LRRC7: variants seen among roughly 807,000 people sequenced by gnomAD.
LRRC7 encodes the protein leucine rich repeat containing 7, also known as leucine-rich repeat-containing protein 7.
Under a neutral mutation model 175.7 loss-of-function variants are expected in LRRC7, and 23 were observed. The ratio of observed to expected loss-of-function variants is 0.13; its 90% CI spans 0.09 to 0.19. LRRC7 has a LOEUF of 0.19. Among genes scored for constraint, LRRC7 ranks in the 10% least tolerant of loss-of-function variants. The probability of loss-of-function intolerance (pLI) is 1.00; values close to 1 mark genes in which losing one functional copy is unlikely to be tolerated. For missense variants in LRRC7, 1,354 were observed against 1,904.7 expected, an observed-to-expected ratio of 0.71 and a Z score of 5.38; for synonymous variants, 685 against 680.9, an observed-to-expected ratio of 1.01 and a Z score of -0.09.
chr1:69,654,118 T>A (rs1656256373), intron 1 of LRRC7, among the ~76,000 whole-genome samples: 1 of 151,696 alleles, frequency 6.6e-6, no homozygotes, highest in African/African-American at 2.4e-5. Flanking sequence ...GTTATTTATT[T>A]TTTTTTTTTA....
intron 26 of LRRC7, among the ~76,000 whole-genome samples, chr1:70,114,067 A>T (rs1314095340): frequency 6.6e-6 from 1 of 152,068 alleles, no homozygotes; most frequent in African/African-American, 2.4e-5. Flanking sequence ...AAATCTTCCA[A>T]AAAAAAACCT....
In LRRC7 at chr1:69,980,471, C is replaced by G. The variant is rs960985147; in HGVS notation, c.786+18C>G. ...TACCTGGGGTATGTAAGTTTTTATTCTACCATGTTGTTTAATATTTGTTAT... is the reference window on the plus strand; with the variant it reads ...TACCTGGGGTATGTAAGTTTTTATTGTACCATGTTGTTTAATATTTGTTAT... On this transcript the variant is annotated intron_variant, in intron 9 of 26. Transcript: ENST00000651989. 17 of 1,536,916 alleles carry G rather than the reference C, an allele frequency of 1.1e-5. No homozygotes were observed. The highest frequency in any genetic ancestry group is 1.5e-5 in the Non-Finnish European group (17 of 1,116,118).
chr1:69,885,558 A>G (rs1339537794), intron 7 of LRRC7, among the ~76,000 whole-genome samples: 2 of 133,004 alleles, frequency 1.5e-5, no homozygotes, highest in Non-Finnish European at 3.1e-5. Flanking sequence ...TGATCCTTGC[A>G]AAAAACCAGC....
intron 25 of LRRC7, among the ~76,000 whole-genome samples, chr1:70,094,197 G>A (rs183249899): frequency 6.6e-6 from 1 of 152,198 alleles, no homozygotes; most frequent in Admixed American, 6.5e-5. Flanking sequence ...CATCCTCAAA[G>A]GACCTGACAG....
chr1:69,602,074 A>G (rs1253013601), intron 1 of LRRC7, among the ~76,000 whole-genome samples: 1 of 152,198 alleles, frequency 6.6e-6, no homozygotes, highest in African/African-American at 2.4e-5. Flanking sequence ...GGCAAATTCT[A>G]TCAGTTTTAC....
intron 2 of LRRC7, among the ~76,000 whole-genome samples, chr1:69,715,276 G>A (rs1400722772): frequency 6.6e-6 from 1 of 152,106 alleles, no homozygotes; most frequent in Non-Finnish European, 1.5e-5. Context: ...CTGATAAATG[G>A]AAATTCTCTA....
intron 7 of LRRC7, among the ~76,000 whole-genome samples, chr1:69,916,227 TATAA>T (rs1321044784): frequency 4.6e-5 from 3 of 65,856 alleles, no homozygotes; most frequent in South Asian, 8.9e-4. Flanking sequence ...TTATGTATAA[TATAA>T]ATATATTTTA....
chr1:69,846,179 C>A (rs1682345266), intron 7 of LRRC7, among the ~76,000 whole-genome samples: 1 of 152,032 alleles, frequency 6.6e-6, no homozygotes. Flanking sequence ...TTATTAGAGT[C>A]ACTTCTAAAA....
intron 1 of LRRC7, among the ~76,000 whole-genome samples, chr1:69,595,483 G>A (rs964044145): frequency 2.0e-5 from 3 of 152,314 alleles, no homozygotes; most frequent in Middle Eastern, 3.4e-3. Context: ...AGTTGATAAC[G>A]GATGGGGCTG....
rs114566776 is a variant in LRRC7 at position 69,723,576 on chromosome 1, T to G, written c.101-36615T>G. ...TTAAAACCTTCATTTTCATGACTAT[T>G]CATTTCATATGATATTAGAGACTCT... On this transcript the variant is annotated intron_variant, in intron 2 of 26. Transcript: ENST00000651989. Among the ~76,000 whole-genome samples the G allele has an allele frequency of 9.4e-3, 1,438 of 152,334 alleles. 11 individuals are homozygous for G. The highest frequency in any genetic ancestry group is 0.015 in the Non-Finnish European group (1,003 of 68,030).
intron 2 of LRRC7, among the ~76,000 whole-genome samples, chr1:69,729,316 A>G (rs1046945001): frequency 2.6e-5 from 4 of 152,152 alleles, no homozygotes; most frequent in Non-Finnish European, 5.9e-5. Flanking sequence ...TTATTCCAGC[A>G]TTATCTCAGA....
At chr1:69,839,747 G>A (rs1681518137) in intron 7 of LRRC7, among the ~76,000 whole-genome samples, 1 of 152,002 alleles carries the variant, frequency 6.6e-6, no homozygotes, top group Non-Finnish European at 1.5e-5. Context: ...GCTTTCATTT[G>A]AAGTACAAAA....
intron 11 of LRRC7, among the ~76,000 whole-genome samples, chr1:70,003,002 G>T (rs556313972): frequency 5.9e-5 from 9 of 152,272 alleles, no homozygotes; most frequent in Non-Finnish European, 1.0e-4. Flanking sequence ...CATGGATGGG[G>T]TGGCATAAAC....
chr1:69,754,818 C>T (rs1372533782), intron 2 of LRRC7, among the ~76,000 whole-genome samples: 13 of 151,518 alleles, frequency 8.6e-5, no homozygotes, highest in Non-Finnish European at 1.8e-4. Flanking sequence ...GTAGAAATGA[C>T]GAGGGAAGTA....
chr1:69,815,118 C>T (rs1009562110), intron 4 of LRRC7, among the ~76,000 whole-genome samples: 1 of 152,112 alleles, frequency 6.6e-6, no homozygotes, highest in African/African-American at 2.4e-5. Context: ...GCTCTCCAGG[C>T]CTGCTGTGAG....
rs1329741629 is a variant in LRRC7, at chr1:69,996,942, A to G, written c.1004+2309A>G. On this transcript the variant is annotated intron_variant, in intron 11 of 26. Transcript: ENST00000651989. ...TTTTTCCAATTCTGTGAAGAAAGGC[A>G]TTGGTAGCTTGATGGGGATGGCATT... Among the ~76,000 whole-genome samples, 7 of 152,142 alleles carry G rather than the reference A, an allele frequency of 4.6e-5. No homozygotes were observed. The South Asian group carries it at 1.2e-3, about 27-fold the overall frequency.
intron 8 of LRRC7, among the ~76,000 whole-genome samples, chr1:69,937,889 A>G (rs902338570): frequency 6.6e-6 from 1 of 152,014 alleles, no homozygotes; most frequent in Admixed American, 6.6e-5. Context: ...ACATAAAATT[A>G]TACGGTATTA....
At chr1:70,112,308 G>T (rs2102224619) in intron 26 of LRRC7, among the ~76,000 whole-genome samples, 1 of 152,080 alleles carries the variant, frequency 6.6e-6, no homozygotes, top group African/African-American at 2.4e-5. Flanking sequence ...AAAATCATGG[G>T]GTTTGATGCC....
At chr1:69,929,559 A>G (rs542577508) in intron 7 of LRRC7, among the ~76,000 whole-genome samples, 1 of 152,158 alleles carries the variant, frequency 6.6e-6, no homozygotes, top group Admixed American at 6.5e-5. Context: ...CACCTTTACC[A>G]TTGCCTTATT....
Sources: allele counts gnomAD v4.1 joint callset (sites outside exome capture counted in the v4.1 genomes callset), GRCh38; gene constraint gnomAD v4.1.1; transcripts MANE v1.5; gene names NCBI Gene and HGNC (gene_info 2026-07-23, HGNC 2026-07-21).